Variants in SAFB2 observed in about 807,000 individuals in gnomAD.
SAFB2 encodes scaffold attachment factor B2.
A neutral mutation model predicts 100.6 loss-of-function variants in SAFB2; 32 were observed. That is an observed-to-expected ratio of 0.32 (90% CI 0.24 to 0.43). The LOEUF is 0.43. Among genes scored for constraint, SAFB2 ranks in the 20% least tolerant of loss-of-function variants. The pLI, the probability that SAFB2 is intolerant of heterozygous loss-of-function variation, is 1.00. For missense variants in SAFB2, 1,185 were observed against 1,163.4 expected, an observed-to-expected ratio of 1.02 and a Z score of -0.27; for synonymous variants, 500 against 439.4, an observed-to-expected ratio of 1.14 and a Z score of -1.72.
chr19:5,604,873 T>G lies in SAFB2; in HGVS notation c.1360A>C (p.Thr454Pro). The G allele has an allele frequency of 6.2e-7, 1 of 1,614,128 alleles. No individual in the cohort carries two copies. The highest frequency in any genetic ancestry group is 8.5e-7 in the Non-Finnish European group (1 of 1,180,036). ...GTCGCCTCGTCAGATGTCGACATGGTGACGAATCCATAGCATCGAGCCCCC... is the reference window on the plus strand; with the variant it reads ...GTCGCCTCGTCAGATGTCGACATGGGGACGAATCCATAGCATCGAGCCCCC... ...SPGARCYGFV[T>P]MSTSDEATKC... Residue 454 changes from threonine to proline, a missense_variant, in exon 10 of 21, where the codon ACC (threonine) becomes CCC (proline). Thr to Pro is a conservative substitution (Grantham distance 38, BLOSUM62 -1). Around this residue, in one of 3 missense-constraint regions of SAFB2, gnomAD observed 94 missense variants for 135.1 expected, o/e 0.70. Coordinates refer to ENST00000252542, the MANE Select transcript of SAFB2 (RefSeq NM_014649.3).
chr19:5,589,172 A>G (rs1156272694), intron 18 of SAFB2, among the ~76,000 whole-genome samples: 2 of 152,198 alleles, frequency 1.3e-5, no homozygotes, highest in African/African-American at 2.4e-5. Context: ...CGGTGACCCG[A>G]TGGCGCCCAG....
intron 13 of SAFB2, among the ~76,000 whole-genome samples, chr19:5,595,701 A>G (rs1187923776): frequency 6.6e-6 from 1 of 152,216 alleles, no homozygotes. Flanking sequence ...TCCTGCTTTC[A>G]GATGTCAAGG....
intron 1 of SAFB2, among the ~76,000 whole-genome samples, chr19:5,622,318 G>C (rs901495256): frequency 6.6e-6 from 1 of 152,172 alleles, no homozygotes. Context: ...GAGGAGAAAA[G>C]GTGGAAAGAG....
At chr19:5,599,596 A>AT (rs3080631) in intron 12 of SAFB2, among the ~76,000 whole-genome samples, 1,517 of 150,714 alleles carry the variant, frequency 0.01, 14 homozygotes, top group Middle Eastern at 0.037. Context: ...GAGTTGGCTT[A>AT]TTTTTTTTTG....
intron 2 of SAFB2, 131 bp downstream of exon 2, chr19:5,621,178 A>G: frequency 1.4e-6 from 1 of 694,758 alleles, no homozygotes; most frequent in South Asian, 1.6e-5. Context: ...TGACGAGCAA[A>G]GCTAACTCTT....
At position 5,593,971 on chromosome 19, in the gene SAFB2, G is replaced by A. The variant is rs1412101633; in HGVS notation, c.2127C>T (p.Arg709=). ...RKEQERIHRE[R]EELRRQQEQL... The stretch of plus-strand genomic sequence containing the variant: ...GCTCCTGCTGGCGCCGCAGCTCCTC[G>A]CGCTCGCGGTGGATGCGCTCCTGCT... Residue 709 remains arginine (R), a synonymous_variant, in exon 15 of 21, where the codon CGC becomes CGT. Coordinates refer to ENST00000252542, the MANE Select transcript of SAFB2 (RefSeq NM_014649.3). 4 of 1,551,172 alleles carry A rather than the reference G, an allele frequency of 2.6e-6. No homozygotes were observed. The highest frequency in any genetic ancestry group is 2.6e-6 in the Non-Finnish European group (3 of 1,155,844).
intron 9 of SAFB2, 84 bp downstream of exon 9, chr19:5,609,911 T>G: frequency 8.2e-7 from 1 of 1,213,784 alleles, no homozygotes; most frequent in Non-Finnish European, 1.2e-6. Flanking sequence ...CTGCTGGGAT[T>G]ATAGACGTGA....
chr19:5,594,558 G>A (rs1279501279), intron 14 of SAFB2, among the ~76,000 whole-genome samples: 1 of 152,178 alleles, frequency 6.6e-6, no homozygotes, highest in African/African-American at 2.4e-5. Flanking sequence ...GGGAGCCGCG[G>A]CAAAATGACA....
intron 7 of SAFB2, 177 bp from the exon 8 acceptor site, chr19:5,610,865 T>C: frequency 1.3e-6 from 1 of 761,472 alleles, no homozygotes; most frequent in East Asian, 2.8e-5. Context: ...CAATGTCAGA[T>C]TTGTAAAAGT....
intron 13 of SAFB2, among the ~76,000 whole-genome samples, chr19:5,597,017 C>T (rs1287641354): frequency 2.0e-5 from 3 of 152,162 alleles, no homozygotes; most frequent in African/African-American, 7.2e-5. Context: ...GAGAGACACA[C>T]ATCACCCAGC....
At position 5,600,244 on chromosome 19, in the gene SAFB2, CCTT is replaced by C. The variant is rs766060666; in HGVS notation, c.1573_1575del (p.Lys525del). ...TCCTCCTTCTTCTCAATCTTCTCTT[CCTT>C]CTTAATTACAGTTCTATTTAAAGAC... On this transcript the variant is annotated inframe_deletion, in exon 12 of 21. Coordinates refer to ENST00000252542, the MANE Select transcript of SAFB2 (RefSeq NM_014649.3). 33 of 1,612,654 alleles carry C rather than the reference CCTT, an allele frequency of 2.0e-5. No individual in the cohort carries two copies. The highest frequency in any genetic ancestry group is 2.6e-5 in the Non-Finnish European group (31 of 1,179,476).
In SAFB2 at chr19:5,593,964, G is replaced by C. The variant is rs546501198; in HGVS notation, c.2134C>G (p.Leu712Val). The C allele has an allele frequency of 2.6e-6, 4 of 1,550,176 alleles. No homozygotes were observed. Among genetic ancestry groups the C allele is most frequent in the African/African-American group, 2.7e-5 (2 of 72,758 alleles). ...CGCAGCTGCTCCTGCTGGCGCCGCA[G>C]CTCCTCGCGCTCGCGGTGGATGCGC... Reference protein sequence around the residue: ...QERIHREREELRRQQEQLRYE... With the variant: ...QERIHREREEVRRQQEQLRYE... Residue 712 changes from leucine (L) to valine (V), a missense_variant, in exon 15 of 21, where the codon CTG (leucine) becomes GTG (valine). Around this residue, in one of 3 missense-constraint regions of SAFB2, gnomAD observed 740 missense variants for 687.1 expected, o/e 1.08. Transcript: ENST00000252542.
intron 2 of SAFB2, among the ~76,000 whole-genome samples, 168 bp downstream of exon 2, chr19:5,621,140 GC>G (rs2053131903): frequency 6.6e-6 from 1 of 152,070 alleles, no homozygotes; most frequent in South Asian, 2.1e-4. Flanking sequence ...TCCTCCCTGT[GC>G]CCTTGACAGA....
chr19:5,594,327 GTTACCTTA>G, intron 14 of SAFB2, 149 bp from the exon 15 acceptor site: 2 of 923,704 alleles, frequency 2.2e-6, no homozygotes, highest in Non-Finnish European at 3.1e-6. Flanking sequence ...CGTGCAGGGG[GTTACCTTA>G]CTTAACAAAG....
At chr19:5,596,946 G>A (rs2145325856) in intron 13 of SAFB2, among the ~76,000 whole-genome samples, 1 of 152,300 alleles carries the variant, frequency 6.6e-6, no homozygotes, top group African/African-American at 2.4e-5. Flanking sequence ...AGGTCAAGAT[G>A]AGACATTACA....
At chr19:5,595,292 A>C in intron 14 of SAFB2, 69 bp downstream of exon 14, 2 of 1,551,030 alleles carry the variant, frequency 1.3e-6, no homozygotes, top group Non-Finnish European at 1.7e-6. Flanking sequence ...CACTCCAAGT[A>C]CAGCTGGGAG....
In SAFB2 at chr19:5,592,806, G is replaced by A. The variant is rs2052440814; in HGVS notation, c.2289C>T (p.His763=). 2 of 1,614,220 alleles carry A rather than the reference G, an allele frequency of 1.2e-6. No homozygotes were observed. Among genetic ancestry groups the A allele is most frequent in the Middle Eastern group, 1.6e-4 (1 of 6,062 alleles). The change falls in exon 16 of 21, where the codon CAC becomes CAT. Residue 763 remains histidine (H), a synonymous_variant. Coordinates refer to ENST00000252542, the MANE Select transcript of SAFB2 (RefSeq NM_014649.3). The stretch of plus-strand genomic sequence containing the variant: ...CTCGATGATCGAAGTCGTGAAAGCG[G>A]TGGTCTGGCCGGGGAAAGTCTGCAC... The part of the protein sequence containing the change: ...RYRADFPRPD[H]RFHDFDHRDR...
rs565855755 is a variant in SAFB2, at chr19:5,606,498, A to ATATG, written c.1297-1563_1297-1562insCATA. 8.5e-5 allele frequency among the ~76,000 whole-genome samples: 13 copies of ATATG among 152,228 alleles called. No homozygotes were observed. The South Asian group carries it at 2.7e-3, about 32-fold the overall frequency. On this transcript the variant is annotated intron_variant, in intron 9 of 20. Coordinates refer to ENST00000252542, the MANE Select transcript of SAFB2 (RefSeq NM_014649.3). ...AAAAATTAGCTGGGTGTAGTGGTAC[A>ATATG]TGCCTGTGGTCTCAGCTACTCAGGA...
Position 5,587,897 on chromosome 19 carries a change from G to T in SAFB2, c.2609C>A (p.Ala870Glu). The T allele has an allele frequency of 6.2e-7, 1 of 1,612,342 alleles. No individual in the cohort carries two copies. The highest frequency in any genetic ancestry group is 8.5e-7 in the Non-Finnish European group (1 of 1,179,686). ...CCACCTGGCGTGCTCCCGGCTAGCCGCGCCTGCGTCCATGGCACCCTGCCA... is the reference window on the plus strand; with the variant it reads ...CCACCTGGCGTGCTCCCGGCTAGCCTCGCCTGCGTCCATGGCACCCTGCCA... ...RAWQGAMDAG[A>E]ASREHARWQG... is the part of the protein sequence containing the mutation. Residue 870 changes from alanine (A) to glutamate (E), a missense_variant, in exon 19 of 21, where the codon GCG becomes GAG. Physicochemically the swap from Ala to Glu is moderately radical, Grantham distance 107 (BLOSUM62 -1). Transcript: ENST00000252542. The surrounding 1 kb of genome is among the most constrained non-coding windows in gnomAD (Gnocchi z 4.9).
Sources: allele counts gnomAD v4.1 joint callset (sites outside exome capture counted in the v4.1 genomes callset), GRCh38; gene constraint gnomAD v4.1.1; regional missense constraint gnomAD v4.1.1; non-coding constraint Gnocchi (gnomAD v3.1); transcripts MANE v1.5; gene names NCBI Gene and HGNC (gene_info 2026-07-23, HGNC 2026-07-21).